GALNTL6: variants seen among roughly 807,000 people sequenced by gnomAD.
The protein encoded by GALNTL6 is polypeptide N-acetylgalactosaminyltransferase-like 6.
GALNTL6 carries 46 observed loss-of-function variants against 73.7 expected under a neutral mutation model. The observed-to-expected ratio is 0.62, with a 90% CI of 0.49 to 0.80. GALNTL6 has a LOEUF of 0.80. GALNTL6 is among the 30% of genes least tolerant of loss of function. The pLI, the probability that GALNTL6 is intolerant of heterozygous loss-of-function variation, is 0.00. For synonymous variants in GALNTL6, 259 were observed against 263.7 expected, an observed-to-expected ratio of 0.98 and a Z score of 0.17; for missense variants, 604 against 755.0, an observed-to-expected ratio of 0.80 and a Z score of 2.34.
intron 2 of GALNTL6, among the ~76,000 whole-genome samples, chr4:172,083,758 A>G (rs568606395): frequency 1.3e-3 from 197 of 152,130 alleles, no homozygotes; most frequent in African/African-American, 4.5e-3. Context: ...TTGTTTTTTT[A>G]CGTGTCTCTC....
intron 3 of GALNTL6, among the ~76,000 whole-genome samples, chr4:172,248,214 T>A (rs1325112939): frequency 1.3e-5 from 2 of 152,210 alleles, no homozygotes; most frequent in Non-Finnish European, 2.9e-5. Context: ...TTTAACATGA[T>A]CATGAAAGTA....
At chr4:172,534,458 G>T (rs1454246625) in intron 5 of GALNTL6, among the ~76,000 whole-genome samples, 1 of 152,102 alleles carries the variant, frequency 6.6e-6, no homozygotes, top group African/African-American at 2.4e-5. Context: ...CTAAAAACAT[G>T]CTACTCAAAG....
intron 2 of GALNTL6, among the ~76,000 whole-genome samples, chr4:171,898,576 C>T (rs1307232206): frequency 4.0e-5 from 6 of 151,876 alleles, no homozygotes; most frequent in Admixed American, 3.9e-4. Flanking sequence ...AAGTATCAAC[C>T]TATGTAAGGA....
chr4:171,847,120 C>G (rs1268476039), intron 2 of GALNTL6, among the ~76,000 whole-genome samples: 1 of 151,740 alleles, frequency 6.6e-6, no homozygotes, highest in Non-Finnish European at 1.5e-5. Flanking sequence ...AACACACCTT[C>G]TGTGAGTAAT....
chr4:172,269,281 T>G (rs1480944698), intron 3 of GALNTL6, among the ~76,000 whole-genome samples: 3 of 152,074 alleles, frequency 2.0e-5, no homozygotes, highest in Non-Finnish European at 2.9e-5. Context: ...TCCTACACAA[T>G]AAGGCACGGA....
intron 5 of GALNTL6, among the ~76,000 whole-genome samples, chr4:172,723,627 A>G (rs1025535445): frequency 2.4e-4 from 36 of 152,258 alleles, no homozygotes; most frequent in Non-Finnish European, 3.8e-4. Context: ...TGAAGAATGA[A>G]TGGCTAATGT....
chr4:172,370,823 A>C (rs973258533), intron 5 of GALNTL6, among the ~76,000 whole-genome samples: 14 of 152,026 alleles, frequency 9.2e-5, no homozygotes, highest in Non-Finnish European at 1.6e-4. Flanking sequence ...ATGGAGAGTC[A>C]CTGCTGCTAA....
intron 10 of GALNTL6, among the ~76,000 whole-genome samples, chr4:173,008,031 A>G (rs1752376786): frequency 6.6e-6 from 1 of 152,236 alleles, no homozygotes; most frequent in South Asian, 2.1e-4. Context: ...ACAGTATTTC[A>G]GCAATAACAC....
At chr4:171,952,221 T>C (rs1738906280) in intron 2 of GALNTL6, among the ~76,000 whole-genome samples, 1 of 151,976 alleles carries the variant, frequency 6.6e-6, no homozygotes, top group South Asian at 2.1e-4. Context: ...GCTTTGTTTA[T>C]GGAAGTATAT....
At chr4:172,336,987 A>G (rs1741352829) in intron 4 of GALNTL6, among the ~76,000 whole-genome samples, 2 of 152,168 alleles carry the variant, frequency 1.3e-5, no homozygotes, top group Admixed American at 6.5e-5. Flanking sequence ...TGAAGTCTTT[A>G]TCATTATGCA....
intron 2 of GALNTL6, among the ~76,000 whole-genome samples, chr4:171,865,153 A>AG (rs1735937338): frequency 6.6e-6 from 1 of 152,192 alleles, no homozygotes; most frequent in South Asian, 2.1e-4. Context: ...TCTCAAAAAA[A>AG]AAAAAGATTT....
At chr4:172,017,515 G>A (rs946754503) in intron 2 of GALNTL6, among the ~76,000 whole-genome samples, 9 of 152,046 alleles carry the variant, frequency 5.9e-5, no homozygotes, top group Non-Finnish European at 1.3e-4. Context: ...AGTGCCAGGG[G>A]AGAACAAGGT....
At chr4:171,904,671 C>A (rs901343629) in intron 2 of GALNTL6, among the ~76,000 whole-genome samples, 9 of 152,108 alleles carry the variant, frequency 5.9e-5, no homozygotes, top group Admixed American at 5.9e-4. Flanking sequence ...CTGAGAAGAG[C>A]AACTCCAAGA....
intron 5 of GALNTL6, among the ~76,000 whole-genome samples, chr4:172,583,979 CA>C (rs1055674441): frequency 1.0e-4 from 15 of 149,576 alleles, no homozygotes; most frequent in African/African-American, 3.7e-4. Flanking sequence ...TCTTCTGGTT[CA>C]AAATTCATTC....
chr4:172,289,649 C>G (rs1229369384), intron 3 of GALNTL6, among the ~76,000 whole-genome samples: 1 of 152,166 alleles, frequency 6.6e-6, no homozygotes, highest in African/African-American at 2.4e-5. Flanking sequence ...TATGAGCTGG[C>G]ACAATCCTGG....
chr4:172,963,282 G>A (rs1447429246), intron 10 of GALNTL6, among the ~76,000 whole-genome samples: 1 of 152,082 alleles, frequency 6.6e-6, no homozygotes, highest in East Asian at 1.9e-4. Context: ...TTCTCAGTAA[G>A]GTCTTCCCTA....
chr4:172,539,926 T>C (rs1735489853), intron 5 of GALNTL6, among the ~76,000 whole-genome samples: 1 of 147,154 alleles, frequency 6.8e-6, no homozygotes, highest in Non-Finnish European at 1.5e-5. Flanking sequence ...CATTTAATTT[T>C]CATGATGTCC....
chr4:172,492,905 G>A (rs1170389488), intron 5 of GALNTL6, among the ~76,000 whole-genome samples: 1 of 152,096 alleles, frequency 6.6e-6, no homozygotes, highest in Non-Finnish European at 1.5e-5. Context: ...CACCAAATTT[G>A]TTTAACAACT....
At chr4:172,324,895 A>G (rs901057950) in intron 4 of GALNTL6, among the ~76,000 whole-genome samples, 6 of 151,276 alleles carry the variant, frequency 4.0e-5, no homozygotes, top group Non-Finnish European at 7.4e-5. Context: ...TATACATCCC[A>G]AAGTTTGTTA....
Sources: allele counts gnomAD v4.1 joint callset (sites outside exome capture counted in the v4.1 genomes callset), GRCh38; gene constraint gnomAD v4.1.1; transcripts MANE v1.5; gene names NCBI Gene and HGNC (gene_info 2026-07-23, HGNC 2026-07-21).